PCDHA6: variants seen among roughly 807,000 people sequenced by gnomAD.
The protein encoded by PCDHA6 is protocadherin alpha-6.
A neutral mutation model predicts 60.3 loss-of-function variants in PCDHA6; 55 were observed. The observed-to-expected ratio is 0.91, with a 90% CI of 0.73 to 1.14. The LOEUF (loss-of-function observed/expected upper bound fraction) is 1.14, where lower values mean the gene tolerates loss of function less well. Among genes scored for constraint, PCDHA6 ranks in the 50% most tolerant of loss-of-function variants. PCDHA6 has a pLI of 0.00. For missense variants in PCDHA6, 1,327 were observed against 1,256.5 expected (o/e 1.06, Z -0.85); for synonymous variants, 652 against 557.9 (o/e 1.17, Z -2.38).
chr5:140,949,075 C>G (rs1459435331), intron 1 of PCDHA6, among the ~76,000 whole-genome samples: 1 of 151,470 alleles, frequency 6.6e-6, no homozygotes, highest in Non-Finnish European at 1.5e-5. Flanking sequence ...ACTCTTTCAC[C>G]CATTTATTAC....
At chr5:140,917,334 G>T (rs1466426021) in intron 1 of PCDHA6, among the ~76,000 whole-genome samples, 7 of 147,628 alleles carry the variant, frequency 4.7e-5, no homozygotes, top group Admixed American at 4.1e-4. Context: ...CGGGGGAGGG[G>T]GGGGATGGTG....
At chr5:140,896,140 C>A (rs1415728420) in intron 1 of PCDHA6, among the ~76,000 whole-genome samples, 6 of 152,140 alleles carry the variant, frequency 3.9e-5, no homozygotes, top group Non-Finnish European at 7.4e-5. Flanking sequence ...ATCCAGTGCA[C>A]CATTGATGGG....
chr5:141,009,946 A>G lies in PCDHA6; in HGVS notation c.*9A>G, dbSNP rs781855183. On this transcript the variant is annotated 3_prime_UTR_variant, in exon 4 of 4. Transcript: ENST00000529310. ...ACAACAGTGACCAGTGAGGTCCTCA[A>G]ATGGAAACAAGCCACTTAGCCAGTT... 8.8e-6 allele frequency: 14 copies of G among 1,596,354 alleles called. No homozygotes were observed. The highest frequency in any genetic ancestry group is 1.7e-4 in the Middle Eastern group (1 of 5,948).
Position 140,862,422 on chromosome 5 carries a change from A to G in PCDHA6, c.2394+31937A>G, listed in dbSNP as rs76178077. On this transcript the variant is annotated intron_variant, in intron 1 of 3. Transcript: ENST00000529310. Reference sequence around the variant, plus strand: ...TGTCTACCTTCAAAAGGCGCTGCCCAGAAACTATTCGTTGGTACTCCACAG... The same window carrying G: ...TGTCTACCTTCAAAAGGCGCTGCCCGGAAACTATTCGTTGGTACTCCACAG... The G allele has an allele frequency of 2.5e-3, 872 of 353,812 alleles. 5 individuals are homozygous for G. Among genetic ancestry groups the G allele is most frequent in the African/African-American group, 0.018 (823 of 46,772 alleles). The allele number at this position is 353,812 out of a possible 1,614,324, so 21.9% of individuals were successfully genotyped here.
chr5:140,937,933 A>C (rs1452935525), intron 1 of PCDHA6, among the ~76,000 whole-genome samples: 1 of 151,854 alleles, frequency 6.6e-6, no homozygotes, highest in Non-Finnish European at 1.5e-5. Flanking sequence ...AAAAAGTTTA[A>C]TTTGATAATT....
chr5:140,857,329 G>T (rs781793178), intron 1 of PCDHA6: 1 of 1,598,568 alleles, frequency 6.3e-7, no homozygotes. Context: ...TGACCGCGCG[G>T]GACGGGGGCT....
At chr5:140,990,109 T>C (rs2097374572) in intron 3 of PCDHA6, among the ~76,000 whole-genome samples, 1 of 151,886 alleles carries the variant, frequency 6.6e-6, no homozygotes, top group African/African-American at 2.4e-5. Context: ...AAACAGGAAA[T>C]TGAGAGCTCT....
intron 3 of PCDHA6, among the ~76,000 whole-genome samples, chr5:140,995,268 C>G (rs2097673323): frequency 6.6e-6 from 1 of 152,110 alleles, no homozygotes; most frequent in Non-Finnish European, 1.5e-5. Flanking sequence ...AATACAAGCC[C>G]TTTGATACCA....
At chr5:140,983,642 G>A (rs954814692) in intron 3 of PCDHA6, among the ~76,000 whole-genome samples, 3 of 152,174 alleles carry the variant, frequency 2.0e-5, no homozygotes, top group African/African-American at 7.2e-5. Flanking sequence ...CCAAGTTCAC[G>A]TAGCTTGTAA....
At chr5:140,836,745 C>A in intron 1 of PCDHA6, 1 of 1,588,116 alleles carries the variant, frequency 6.3e-7, no homozygotes, top group Non-Finnish European at 8.6e-7. Flanking sequence ...CAATGTGAGT[C>A]ATAAATAATC....
intron 1 of PCDHA6, among the ~76,000 whole-genome samples, chr5:140,833,844 TAAC>T (rs1772686732): frequency 6.6e-6 from 1 of 152,198 alleles, no homozygotes; most frequent in African/African-American, 2.4e-5. Flanking sequence ...GGATTTTTCT[TAAC>T]AAGCGATACT....
At chr5:140,837,655 T>G (rs1323533582) in intron 1 of PCDHA6, among the ~76,000 whole-genome samples, 2 of 151,204 alleles carry the variant, frequency 1.3e-5, no homozygotes, top group Admixed American at 1.3e-4. Flanking sequence ...CTTTCTTCCT[T>G]TTTCTTTCAT....
intron 1 of PCDHA6, chr5:140,927,374 ACAGCCTAAGCCCCAGT>A: frequency 6.2e-7 from 1 of 1,614,100 alleles, no homozygotes; most frequent in Non-Finnish European, 8.5e-7. Flanking sequence ...ATACTAAGCT[ACAGCCTAAGCCCCAGT>A]CAGCACTTTC....
At chr5:140,882,768 C>CA in intron 1 of PCDHA6, 1 of 1,614,222 alleles carries the variant, frequency 6.2e-7, no homozygotes, top group Non-Finnish European at 8.5e-7. Flanking sequence ...GTAAACTCGG[C>CA]ATTGACCTAC....
At chr5:140,952,009 G>A (rs780606946) in intron 1 of PCDHA6, among the ~76,000 whole-genome samples, 1 of 152,102 alleles carries the variant, frequency 6.6e-6, no homozygotes, top group African/African-American at 2.4e-5. Flanking sequence ...AGAATTATAG[G>A]CCCCATGCAA....
At chr5:140,864,528 T>C (rs2048505938) in intron 1 of PCDHA6, 1 of 152,240 alleles carries the variant, frequency 6.6e-6, no homozygotes, top group Non-Finnish European at 1.5e-5. Context: ...TACTTCTTAA[T>C]TTTTGTCTTC....
At chr5:140,967,585 C>T (rs1278675624) in intron 1 of PCDHA6, 1 of 1,614,152 alleles carries the variant, frequency 6.2e-7, no homozygotes, top group Non-Finnish European at 8.5e-7. Flanking sequence ...CACCCCCAGG[C>T]ACATTGGTGG....
intron 1 of PCDHA6, among the ~76,000 whole-genome samples, chr5:140,961,632 A>G (rs373824042): frequency 7.9e-5 from 12 of 152,214 alleles, no homozygotes; most frequent in South Asian, 4.1e-4. Flanking sequence ...ATGAAAAACA[A>G]TCTTAAGTCT....
Position 140,842,608 on chromosome 5 carries a change from C to CG in PCDHA6, c.2394+12128dup, listed in dbSNP as rs1340734954. 5 of 1,557,100 alleles carry CG rather than the reference C, an allele frequency of 3.2e-6. 2 individuals carry two copies. In the African/African-American group the frequency reaches 7.2e-5, roughly 22 times the overall value. The stretch of plus-strand genomic sequence containing the variant: ...ATGAGTTGGTGGTAACCGCGCGGGA[C>CG]GGGGGCTCGCCTTCGCTGTGGGCCA... On this transcript the variant is annotated intron_variant, in intron 1 of 3. Coordinates refer to ENST00000529310, the MANE Select transcript of PCDHA6 (RefSeq NM_018909.4).
Sources: gnomAD v4.1 joint callset for allele counts (sites outside exome capture counted in the v4.1 genomes callset) on GRCh38, gnomAD v4.1.1 for gene constraint, MANE v1.5 for transcripts, NCBI Gene and HGNC (gene_info 2026-07-23, HGNC 2026-07-21) for gene names.